MVB12B: variants seen among roughly 807,000 people sequenced by gnomAD.
MVB12B encodes the protein ESCRT-I complex subunit MVB12B.
Under a neutral mutation model 41.6 loss-of-function variants are expected in MVB12B, and 16 were observed. The observed-to-expected ratio is 0.38, with a 90% CI of 0.26 to 0.58. The LOEUF is 0.58. Among genes scored for constraint, MVB12B ranks in the 20% least tolerant of loss-of-function variants. MVB12B has a pLI of 0.62. For missense variants in MVB12B, 274 were observed against 380.2 expected, an observed-to-expected ratio of 0.72 and a Z score of 2.32; for synonymous variants, 133 against 139.7, an observed-to-expected ratio of 0.95 and a Z score of 0.34.
chr9:126,414,919 G>A (rs911471921), intron 6 of MVB12B, among the ~76,000 whole-genome samples: 2 of 151,686 alleles, frequency 1.3e-5, no homozygotes, highest in African/African-American at 2.4e-5. Context: ...TGGTAGAGAT[G>A]GGGTTTCACC....
intron 9 of MVB12B, among the ~76,000 whole-genome samples, chr9:126,499,593 T>C (rs1833908729): frequency 6.6e-6 from 1 of 152,148 alleles, no homozygotes; most frequent in Non-Finnish European, 1.5e-5. Flanking sequence ...CGGCCCCGTC[T>C]CCTGGGTAAA....
At chr9:126,363,216 A>G (rs1830072261) in intron 2 of MVB12B, among the ~76,000 whole-genome samples, 1 of 152,172 alleles carries the variant, frequency 6.6e-6, no homozygotes, top group African/African-American at 2.4e-5. Context: ...AAGTTTTAAA[A>G]ATAGATTTCT....
chr9:126,455,227 G>A (rs181599435), intron 7 of MVB12B, among the ~76,000 whole-genome samples: 130 of 151,310 alleles, frequency 8.6e-4, no homozygotes, highest in Middle Eastern at 3.4e-3. Flanking sequence ...TTGTTCTGTC[G>A]CCCAGGCTGG....
At chr9:126,360,230 C>A (rs1163040940) in intron 2 of MVB12B, among the ~76,000 whole-genome samples, 1 of 152,066 alleles carries the variant, frequency 6.6e-6, no homozygotes, top group South Asian at 2.1e-4. Context: ...TTGGGGACTT[C>A]TAGATATGTT....
chr9:126,393,019 G>A (rs1831003680), intron 5 of MVB12B, among the ~76,000 whole-genome samples: 1 of 152,202 alleles, frequency 6.6e-6, no homozygotes, highest in African/African-American at 2.4e-5. Flanking sequence ...TAATTCCCCA[G>A]TAAGCAGAGA....
intron 7 of MVB12B, among the ~76,000 whole-genome samples, chr9:126,454,887 G>A (rs945348023): frequency 3.3e-5 from 5 of 151,560 alleles, no homozygotes; most frequent in South Asian, 2.1e-4. Context: ...TGCACGTGCC[G>A]CTCTCCACCA....
chr9:126,358,024 A>AT (rs1178961103), intron 2 of MVB12B, among the ~76,000 whole-genome samples: 1 of 152,124 alleles, frequency 6.6e-6, no homozygotes, highest in Non-Finnish European at 1.5e-5. Flanking sequence ...ATCAAATATC[A>AT]TTTTTTATAT....
At position 126,378,603 on chromosome 9, in the gene MVB12B, CTCTCTCTT is replaced by C. The variant is rs1830549364; in HGVS notation, c.205-2453_205-2446del. 1.1e-4 allele frequency among the ~76,000 whole-genome samples: 16 copies of C among 152,104 alleles called. No individual in the cohort carries two copies. In the South Asian group the frequency reaches 3.1e-3, roughly 30 times the overall value. On this transcript the variant is annotated intron_variant, in intron 2 of 9. Coordinates refer to ENST00000361171, the MANE Select transcript of MVB12B (RefSeq NM_033446.3). Reference sequence around the variant, plus strand: ...CCTTGGAGGTTAGGGGAGTCTCTCTCTCTCTCTTTCTCTCTCTCTCTTCTCTGTCTCTC... The same window carrying C: ...CCTTGGAGGTTAGGGGAGTCTCTCTCTCTCTCTCTCTCTTCTCTGTCTCTC...
intron 9 of MVB12B, among the ~76,000 whole-genome samples, chr9:126,501,632 C>T (rs887445529): frequency 2.0e-5 from 3 of 152,216 alleles, no homozygotes; most frequent in East Asian, 3.9e-4. Flanking sequence ...TGGCCATGGA[C>T]GTGGTGCTGG....
At chr9:126,328,467 G>T (rs1249371141) in intron 1 of MVB12B, among the ~76,000 whole-genome samples, 2 of 152,268 alleles carry the variant, frequency 1.3e-5, no homozygotes, top group Middle Eastern at 3.4e-3. Flanking sequence ...GTTGTGCCAT[G>T]GTTATGTGCA....
chr9:126,461,966 A>G (rs555173516), intron 7 of MVB12B, among the ~76,000 whole-genome samples: 10 of 152,358 alleles, frequency 6.6e-5, no homozygotes, highest in East Asian at 5.8e-4. Flanking sequence ...TAATAAAGCA[A>G]TGATCCAAAA....
At position 126,453,784 on chromosome 9, in the gene MVB12B, T is replaced by C. The variant is rs536678241; in HGVS notation, c.758-27585T>C. ...TGTGACACACAGCCTCACATGCATA[T>C]GTGCACACATGACACGTGTGCATGC... On this transcript the variant is annotated intron_variant, in intron 7 of 9. Coordinates refer to ENST00000361171, the MANE Select transcript of MVB12B (RefSeq NM_033446.3). 2.0e-4 allele frequency among the ~76,000 whole-genome samples: 31 copies of C among 152,342 alleles called. 2 individuals carry two copies. The East Asian group carries it at 6.0e-3, about 29-fold the overall frequency.
chr9:126,401,526 CA>C (rs1452237637), intron 6 of MVB12B, among the ~76,000 whole-genome samples: 3 of 152,258 alleles, frequency 2.0e-5, no homozygotes, highest in African/African-American at 7.2e-5. Context: ...GATTCAGTCA[CA>C]ACTTTTGCAT....
In MVB12B at chr9:126,340,231, TGCTCTTGGGTTTGAGTCAA is replaced by T. The variant is rs1252315113; in HGVS notation, c.82-272_82-254del. 6.6e-6 allele frequency among the ~76,000 whole-genome samples: 1 copy of T among 152,050 alleles called. No homozygotes were observed. Among genetic ancestry groups the T allele is most frequent in the Non-Finnish European group, 1.5e-5 (1 of 68,024 alleles). On this transcript the variant is annotated intron_variant, in intron 1 of 9. Coordinates refer to ENST00000361171, the MANE Select transcript of MVB12B (RefSeq NM_033446.3). The surrounding 1 kb of genome is among the most constrained non-coding windows in gnomAD (Gnocchi z 4.0). ...CTGGATGGCGGAGTTAAGAATGACG[TGCTCTTGGGTTTGAGTCAA>T]GCTCACCTCCTGAGAGTAGAGACAA...
rs139121061 is a variant in MVB12B, at chr9:126,461,371, A to G, written c.758-19998A>G. Among the ~76,000 whole-genome samples the G allele has an allele frequency of 5.1e-3, 773 of 152,258 alleles. 6 individuals are homozygous for G. Among genetic ancestry groups the G allele is most frequent in the African/African-American group, 0.017 (713 of 41,526 alleles). On this transcript the variant is annotated intron_variant, in intron 7 of 9. Transcript: ENST00000361171. Reference sequence around the variant, plus strand: ...AATCGAGAAACAATTTTCACTATATATAAAAAAAAAAAGAGCTAAACAGAA... The same window carrying G: ...AATCGAGAAACAATTTTCACTATATGTAAAAAAAAAAAGAGCTAAACAGAA...
At position 126,478,253 on chromosome 9, in the gene MVB12B, G is replaced by C. The variant is rs986197861; in HGVS notation, c.758-3116G>C. On this transcript the variant is annotated intron_variant, in intron 7 of 9. Transcript: ENST00000361171. The surrounding 1 kb of genome is among the most constrained non-coding windows in gnomAD (Gnocchi z 4.2). ...CTTCCATCCATGGCTTTCATCTCCA[G>C]CAGCAGCAGGCGGGGGTAGCAGTGA... Among the ~76,000 whole-genome samples, 1 of 152,178 alleles carries C rather than the reference G, an allele frequency of 6.6e-6. No homozygotes were observed. The highest frequency in any genetic ancestry group is 2.4e-5 in the African/African-American group (1 of 41,432).
intron 6 of MVB12B, among the ~76,000 whole-genome samples, chr9:126,412,982 A>G (rs576053070): frequency 3.3e-5 from 5 of 152,250 alleles, no homozygotes; most frequent in Admixed American, 2.0e-4. Flanking sequence ...ACATTTTATT[A>G]GCCTCCTCTT....
intron 6 of MVB12B, chr9:126,397,710 T>C: frequency 1.2e-6 from 1 of 839,378 alleles, no homozygotes; most frequent in Non-Finnish European, 1.4e-6. Context: ...TTTTTGGTTT[T>C]TGTGGGGTTT....
intron 9 of MVB12B, among the ~76,000 whole-genome samples, chr9:126,497,955 C>T (rs974622650): frequency 3.3e-5 from 5 of 152,202 alleles, no homozygotes; most frequent in African/African-American, 9.6e-5. Flanking sequence ...CAGAAAGCAG[C>T]GGGCGGCCCA....
Sources: allele counts gnomAD v4.1 joint callset (sites outside exome capture counted in the v4.1 genomes callset), GRCh38; gene constraint gnomAD v4.1.1; non-coding constraint Gnocchi (gnomAD v3.1); transcripts MANE v1.5; gene names NCBI Gene and HGNC (gene_info 2026-07-23, HGNC 2026-07-21).